The following RNASET2 variants were observed in gnomAD, a reference collection of about 807,000 sequenced individuals.
RNASET2 encodes the protein ribonuclease 6.
A neutral mutation model predicts 33.9 loss-of-function variants in RNASET2; 28 were observed. That is an observed-to-expected ratio of 0.83 (90% CI 0.61 to 1.13). The LOEUF is 1.13. Ranked by LOEUF, RNASET2 falls within the 50% of genes most tolerant of loss-of-function variation. The probability of loss-of-function intolerance (pLI) is 0.00; values close to 1 mark genes in which losing one functional copy is unlikely to be tolerated. For missense variants in RNASET2, 330 were observed against 319.9 expected, an observed-to-expected ratio of 1.03 and a Z score of -0.24; for synonymous variants, 123 against 121.0, an observed-to-expected ratio of 1.02 and a Z score of -0.11.
At chr6:166,943,826 G>A (rs371529211) in intron 4 of RNASET2, 2 of 457,022 alleles carry the variant, frequency 4.4e-6, no homozygotes, top group African/African-American at 4.1e-5. Context: ...ACCTATAACT[G>A]TTCTAAAAAC....
intron 2 of RNASET2, among the ~76,000 whole-genome samples, chr6:166,951,088 G>A (rs1562504023): frequency 6.6e-6 from 1 of 152,240 alleles, no homozygotes; most frequent in South Asian, 2.1e-4. Context: ...GGTAAGGAGT[G>A]TGAGTCATCT....
chr6:166,934,304 C>G (rs1778515572), intron 6 of RNASET2, 168 bp from the exon 7 acceptor site: 1 of 635,726 alleles, frequency 1.6e-6, no homozygotes, highest in Non-Finnish European at 2.8e-6. Flanking sequence ...ATACATGGTT[C>G]CCAGTCCCCG....
At position 166,926,250 on chromosome 6, in the gene RNASET2, T is replaced by C. The variant is rs1369807949; in HGVS notation, c.*3338A>G. ...CAAAAGTTTCGGTGGAAAGATAAGA[T>C]ACCTGGGCCAGGCGCGGTGGCTCAC... On this transcript the variant is annotated 3_prime_UTR_variant, in exon 9 of 9. Coordinates refer to ENST00000508775, the MANE Select transcript of RNASET2 (RefSeq NM_003730.6). Among the ~76,000 whole-genome samples, 1 of 151,192 alleles carries C rather than the reference T, an allele frequency of 6.6e-6. No homozygotes were observed. The highest frequency in any genetic ancestry group is 2.4e-5 in the African/African-American group (1 of 41,130).
chr6:166,931,099 G>C lies in RNASET2; in HGVS notation c.512C>G (p.Ala171Gly), dbSNP rs1217929196. The C allele has an allele frequency of 1.2e-6, 2 of 1,609,446 alleles. No homozygotes were observed. Among genetic ancestry groups the C allele is most frequent in the South Asian group, 1.1e-5 (1 of 91,012 alleles). ...NYYQVADFKD[A>G]LARVYGVIPK... ...TATCACTCCATATACTCTGGCAAGGGCATCTTTAAAATCTGCAACCTGATT... is the reference window on the plus strand; with the variant it reads ...TATCACTCCATATACTCTGGCAAGGCCATCTTTAAAATCTGCAACCTGATT... Residue 171 changes from alanine (A) to glycine (G), a missense_variant, in exon 8 of 9, where the codon GCC (alanine) becomes GGC (glycine). Physicochemically the swap from Ala to Gly is moderately conservative, Grantham distance 60. Transcript: ENST00000508775.
At chr6:166,940,123 G>A (rs1778661283) in intron 5 of RNASET2, among the ~76,000 whole-genome samples, 1 of 152,218 alleles carries the variant, frequency 6.6e-6, no homozygotes, top group South Asian at 2.1e-4. Context: ...GAGATTGACA[G>A]CCACCTTCAG....
intron 4 of RNASET2, among the ~76,000 whole-genome samples, chr6:166,944,435 G>A (rs1351173685): frequency 6.6e-6 from 1 of 151,464 alleles, no homozygotes; most frequent in Non-Finnish European, 1.5e-5. Flanking sequence ...GCCCCTGCCT[G>A]TGTGGGCGCA....
chr6:166,937,511 G>T (rs1778597065), intron 6 of RNASET2, among the ~76,000 whole-genome samples: 1 of 152,148 alleles, frequency 6.6e-6, no homozygotes, highest in Non-Finnish European at 1.5e-5. Flanking sequence ...TGCTCTTACT[G>T]CAAGAAAGCA....
chr6:166,952,771 GA>G (rs1779019182), intron 1 of RNASET2: 1 of 532,080 alleles, frequency 1.9e-6, no homozygotes, highest in South Asian at 1.9e-5. Flanking sequence ...CGGAGAACAT[GA>G]ATAGGATAAG....
At chr6:166,951,745 A>T (rs1358334222) in intron 2 of RNASET2, among the ~76,000 whole-genome samples, 3 of 152,276 alleles carry the variant, frequency 2.0e-5, no homozygotes, top group African/African-American at 7.2e-5. Context: ...ATATCATCAT[A>T]TCTATAATCT....
rs569114680 is a variant in RNASET2 at position 166,952,368 on chromosome 6, G to A, written c.147+120C>T. On this transcript the variant is annotated intron_variant, in intron 2 of 8. Transcript: ENST00000508775. Reference sequence around the variant, plus strand: ...TCTCTGCAGGAGACACCGCCCACCCGCCAGAGCGATGCCTACCTCCCGCAC... The same window carrying A: ...TCTCTGCAGGAGACACCGCCCACCCACCAGAGCGATGCCTACCTCCCGCAC... The A allele has an allele frequency of 2.8e-3, 2,491 of 884,394 alleles. 13 individuals carry two copies. Among genetic ancestry groups the A allele is most frequent in the Non-Finnish European group, 3.1e-3 (1,627 of 519,192 alleles). The allele number at this position is 884,394 out of a possible 1,614,324, so 54.8% of individuals were successfully genotyped here. A position where few individuals can be genotyped will look rare whatever the true frequency, so the allele number is the denominator to read the frequency against.
rs1778294657 is a variant in RNASET2 at position 166,925,681 on chromosome 6, G to A, written c.*3907C>T. Among the ~76,000 whole-genome samples the A allele has an allele frequency of 6.6e-6, 1 of 152,258 alleles. No homozygotes were observed. The highest frequency in any genetic ancestry group is 2.1e-4 in the South Asian group (1 of 4,834). On this transcript the variant is annotated 3_prime_UTR_variant, in exon 9 of 9. Transcript: ENST00000508775. ...TAACACAACAAGAGCTGGAAGAGAA[G>A]AGGCCCTGGTCCCTGGGCGTGGAGG...
rs1779078351 is a variant in RNASET2, at chr6:166,955,177, A to ACACACACACACACGCACACACACG, written c.86+919_86+920insCGTGTGTGTGCGTGTGTGTGTGTG. 7.1e-5 allele frequency among the ~76,000 whole-genome samples: 8 copies of ACACACACACACACGCACACACACG among 112,268 alleles called. 2 individuals are homozygous for ACACACACACACACGCACACACACG. The highest frequency in any genetic ancestry group is 3.2e-4 in the African/African-American group (7 of 22,164). 73.7% of individuals were successfully genotyped at this position (112,268 alleles called of 152,430 possible). ...CCCCTAATTAATTTGGGCGGCTGCCACACACACACACGCACACACGCACGC... is the reference window on the plus strand; with the variant it reads ...CCCCTAATTAATTTGGGCGGCTGCCACACACACACACACGCACACACACGCACACACACACGCACACACGCACGC... On this transcript the variant is annotated intron_variant, in intron 1 of 8. Coordinates refer to ENST00000508775, the MANE Select transcript of RNASET2 (RefSeq NM_003730.6).
At chr6:166,945,698 C>T (rs988171246) in intron 4 of RNASET2, among the ~76,000 whole-genome samples, 21 of 151,770 alleles carry the variant, frequency 1.4e-4, no homozygotes, top group Non-Finnish European at 2.7e-4. Context: ...GGCATGGTGG[C>T]GCATGCCTGT....
intron 5 of RNASET2, among the ~76,000 whole-genome samples, chr6:166,942,616 A>C (rs1778718087): frequency 6.6e-6 from 1 of 151,584 alleles, no homozygotes; most frequent in Non-Finnish European, 1.5e-5. Context: ...TGACCTTTTA[A>C]ATTTTTGGTA....
rs1268218510 is a variant in RNASET2, at chr6:166,952,526, GT to G, written c.108del (p.Lys36AsnfsTer2). ...KRLRDNHEWK[K>X]LIMVQHWPET... ...TCAGGCCAGTGCTGAACCATAATTAGTTTTTTCCACTCATGGTTGTCACTGT... is the reference window on the plus strand; with the variant it reads ...TCAGGCCAGTGCTGAACCATAATTAGTTTTTCCACTCATGGTTGTCACTGT... On this transcript the variant is annotated frameshift_variant, in exon 2 of 9. Transcript: ENST00000508775. LOFTEE classifies it high-confidence loss of function. 6.2e-7 allele frequency: 1 copy of G among 1,613,716 alleles called. No homozygotes were observed. The highest frequency in any genetic ancestry group is 1.3e-5 in the African/African-American group (1 of 74,940).
At chr6:166,945,632 A>C (rs143231728) in intron 4 of RNASET2, among the ~76,000 whole-genome samples, 2,169 of 152,208 alleles carry the variant, frequency 0.014, 65 homozygotes, top group African/African-American at 0.049. Flanking sequence ...GGAGTTCGAG[A>C]CCAGTCTGAC....
In RNASET2 at chr6:166,923,801, GT is replaced by G. The variant is rs1778267692; in HGVS notation, c.*5786del. Among the ~76,000 whole-genome samples the G allele has an allele frequency of 2.0e-5, 3 of 152,174 alleles. No individual in the cohort carries two copies. The highest frequency in any genetic ancestry group is 2.0e-4 in the Admixed American group (3 of 15,292). ...ACGCCCAAATACTGACTTCATATCT[GT>G]GATTGTATCCTGGTAATTTCATTTC... On this transcript the variant is annotated 3_prime_UTR_variant, in exon 9 of 9. Transcript: ENST00000508775.
rs374964582 is a variant in RNASET2, at chr6:166,938,876, G to A, written c.446+19C>T. 77 of 1,550,290 alleles carry A rather than the reference G, an allele frequency of 5.0e-5. No homozygotes were observed. The highest frequency in any genetic ancestry group is 9.5e-5 in the African/African-American group (7 of 73,608). On this transcript the variant is annotated intron_variant, in intron 6 of 8. Coordinates refer to ENST00000508775, the MANE Select transcript of RNASET2 (RefSeq NM_003730.6). ...GAGATCCCCACTGGGAAGTGCAGCCGGGGGAAGGGCGCACCCACCTGTTGA... is the reference window on the plus strand; with the variant it reads ...GAGATCCCCACTGGGAAGTGCAGCCAGGGGAAGGGCGCACCCACCTGTTGA...
chr6:166,928,113 C>T lies in RNASET2; in HGVS notation c.*1475G>A, dbSNP rs1583210868. ...TTCCATCAAATCCCCCATCATCTCA[C>T]TCTGTCTGTCTGCAGAAGCTGTCAG... On this transcript the variant is annotated 3_prime_UTR_variant, in exon 9 of 9. Transcript: ENST00000508775. 6.6e-6 allele frequency among the ~76,000 whole-genome samples: 1 copy of T among 152,240 alleles called. No homozygotes were observed. Among genetic ancestry groups the T allele is most frequent in the Non-Finnish European group, 1.5e-5 (1 of 68,048 alleles).
Sources: allele counts gnomAD v4.1 joint callset (sites outside exome capture counted in the v4.1 genomes callset), GRCh38; gene constraint gnomAD v4.1.1; transcripts MANE v1.5; gene names NCBI Gene and HGNC (gene_info 2026-07-23, HGNC 2026-07-21).